DCC: variants seen among roughly 807,000 people sequenced by gnomAD.
DCC encodes the protein netrin receptor DCC.
Under a neutral mutation model 172.5 loss-of-function variants are expected in DCC, and 58 were observed. The ratio of observed to expected loss-of-function variants is 0.34; its 90% CI spans 0.27 to 0.42. The LOEUF is 0.42. DCC is among the 10% of genes least tolerant of loss of function. The pLI, the probability that DCC is intolerant of heterozygous loss-of-function variation, is 1.00. For synonymous variants in DCC, 709 were observed against 644.5 expected (o/e 1.10, Z -1.52); for missense variants, 1,740 against 1,791.0 (o/e 0.97, Z 0.51).
At chr18:53,000,358 A>G (rs2041544942) in intron 5 of DCC, among the ~76,000 whole-genome samples, 1 of 151,978 alleles carries the variant, frequency 6.6e-6, no homozygotes, top group African/African-American at 2.4e-5. Context: ...TTTATTGACT[A>G]CGTCAGCCTT....
intron 21 of DCC, among the ~76,000 whole-genome samples, chr18:53,425,602 C>A (rs1381145460): frequency 6.6e-6 from 1 of 151,794 alleles, no homozygotes; most frequent in East Asian, 1.9e-4. Context: ...CCTCAGGTGA[C>A]CTGCCCGCCT....
intron 3 of DCC, among the ~76,000 whole-genome samples, chr18:52,910,891 T>C (rs2039962161): frequency 6.6e-6 from 1 of 152,126 alleles, no homozygotes; most frequent in Non-Finnish European, 1.5e-5. Context: ...ATATACATGA[T>C]TTTTGTCTAT....
chr18:53,152,115 C>G (rs2054651293), intron 7 of DCC, among the ~76,000 whole-genome samples: 1 of 152,054 alleles, frequency 6.6e-6, no homozygotes, highest in African/African-American at 2.4e-5. Context: ...AAGATGCAGA[C>G]TAATAAAGCA....
intron 5 of DCC, among the ~76,000 whole-genome samples, chr18:52,971,746 C>T (rs138199104): frequency 6.6e-6 from 1 of 152,116 alleles, no homozygotes; most frequent in East Asian, 1.9e-4. Flanking sequence ...TATTGGATCT[C>T]ACTCTTGTGA....
chr18:52,394,965 C>T (rs895844360), intron 1 of DCC, among the ~76,000 whole-genome samples: 3 of 152,134 alleles, frequency 2.0e-5, no homozygotes, highest in Middle Eastern at 3.4e-3. Context: ...TTTCCCGTTC[C>T]AAGTCCCAGA....
intron 1 of DCC, among the ~76,000 whole-genome samples, chr18:52,723,243 G>C (rs998562667): frequency 1.3e-5 from 2 of 152,106 alleles, no homozygotes; most frequent in African/African-American, 2.4e-5. Flanking sequence ...TTATATTCAA[G>C]TGAAATATTT....
chr18:52,795,802 T>C (rs2037863866), intron 2 of DCC, among the ~76,000 whole-genome samples: 1 of 151,984 alleles, frequency 6.6e-6, no homozygotes, highest in Non-Finnish European at 1.5e-5. Context: ...TTCGTTCTTA[T>C]TTTTTCCAAG....
At chr18:52,772,409 C>A (rs879015253) in intron 2 of DCC, among the ~76,000 whole-genome samples, 1 of 152,128 alleles carries the variant, frequency 6.6e-6, no homozygotes, top group Admixed American at 6.5e-5. Flanking sequence ...TGGTTTATGG[C>A]AGAAGTGATG....
intron 2 of DCC, among the ~76,000 whole-genome samples, chr18:52,770,937 T>C (rs1264295256): frequency 1.3e-5 from 2 of 152,250 alleles, no homozygotes; most frequent in Non-Finnish European, 2.9e-5. Context: ...TCGTTTTCTA[T>C]ACATGGTTCC....
intron 1 of DCC, among the ~76,000 whole-genome samples, chr18:52,740,171 C>G (rs2036796899): frequency 6.6e-6 from 1 of 152,146 alleles, no homozygotes; most frequent in South Asian, 2.1e-4. Flanking sequence ...TTCTGACCTT[C>G]TAGAGAGGCT....
chr18:52,356,411 C>T (rs958962395), intron 1 of DCC, among the ~76,000 whole-genome samples: 2 of 152,064 alleles, frequency 1.3e-5, no homozygotes, highest in African/African-American at 2.4e-5. Context: ...ATTACTAATG[C>T]GTAAAGGGTG....
intron 17 of DCC, among the ~76,000 whole-genome samples, chr18:53,396,300 T>C (rs531194225): frequency 6.6e-6 from 1 of 152,248 alleles, no homozygotes; most frequent in South Asian, 2.1e-4. Context: ...AGAGGAATAG[T>C]CCCATTTTTT....
intron 7 of DCC, among the ~76,000 whole-genome samples, chr18:53,139,745 T>C (rs774175732): frequency 2.0e-5 from 3 of 151,846 alleles, no homozygotes; most frequent in African/African-American, 4.8e-5. Context: ...CAGAGGCAGT[T>C]TGGCTCTGGA....
chr18:53,351,421 ACT>A lies in DCC; in HGVS notation c.2359+11515_2359+11516del, dbSNP rs1484529117. On this transcript the variant is annotated intron_variant, in intron 15 of 28. Coordinates refer to ENST00000442544, the MANE Select transcript of DCC (RefSeq NM_005215.4). ...ACAGTGTATATATATATATATACAC[ACT>A]GTGTATATATATATACAGTGTATAT... is the stretch of plus-strand genomic sequence containing the variant. Among the ~76,000 whole-genome samples, 55 of 15,558 alleles carry A rather than the reference ACT, an allele frequency of 3.5e-3. 2 individuals are homozygous for A. The highest frequency in any genetic ancestry group is 0.017 in the South Asian group (5 of 302). The allele number at this position is 15,558 out of a possible 152,430, so 10.2% of individuals were successfully genotyped here. A position where few individuals can be genotyped will look rare whatever the true frequency, so the allele number is the denominator to read the frequency against.
intron 12 of DCC, among the ~76,000 whole-genome samples, chr18:53,300,436 T>A (rs938153797): frequency 6.6e-6 from 1 of 152,154 alleles, no homozygotes; most frequent in African/African-American, 2.4e-5. Flanking sequence ...GGTTGGTGAT[T>A]TTTCTGTTTA....
intron 14 of DCC, among the ~76,000 whole-genome samples, chr18:53,327,864 A>G (rs2057484814): frequency 1.3e-5 from 2 of 152,152 alleles, no homozygotes; most frequent in South Asian, 4.1e-4. Flanking sequence ...TACTTTTGAT[A>G]GGGACCATTT....
intron 5 of DCC, among the ~76,000 whole-genome samples, chr18:53,010,581 G>A (rs567667127): frequency 1.3e-5 from 2 of 150,806 alleles, no homozygotes; most frequent in South Asian, 4.2e-4. Context: ...GTACATAGGT[G>A]TACATATTCA....
intron 27 of DCC, among the ~76,000 whole-genome samples, chr18:53,511,016 C>T (rs1223802047): frequency 2.6e-5 from 4 of 152,160 alleles, no homozygotes; most frequent in African/African-American, 9.7e-5. Context: ...TGGCTTTGAA[C>T]AAGTCCTTTA....
intron 14 of DCC, among the ~76,000 whole-genome samples, chr18:53,332,772 A>G (rs1354156690): frequency 7.1e-6 from 1 of 141,148 alleles, no homozygotes; most frequent in East Asian, 2.1e-4. Flanking sequence ...GGTGGATACC[A>G]AAATTTTACC....
Sources: gnomAD v4.1 joint callset for allele counts (sites outside exome capture counted in the v4.1 genomes callset) on GRCh38, gnomAD v4.1.1 for gene constraint, MANE v1.5 for transcripts, NCBI Gene and HGNC (gene_info 2026-07-23, HGNC 2026-07-21) for gene names.